The following G2E3 variants were observed in gnomAD, a reference collection of about 807,000 sequenced individuals.
The protein encoded by G2E3 is G2/M phase-specific E3 ubiquitin-protein ligase.
Under a neutral mutation model 92.8 loss-of-function variants are expected in G2E3, and 35 were observed. That is an observed-to-expected ratio of 0.38 (90% confidence interval 0.29 to 0.50). The LOEUF is 0.50. Among genes scored for constraint, G2E3 ranks in the 20% least tolerant of loss-of-function variants. The pLI, the probability that G2E3 is intolerant of heterozygous loss-of-function variation, is 0.94. For synonymous variants in G2E3, 242 were observed against 272.4 expected, an observed-to-expected ratio of 0.89 and a Z score of 1.10; for missense variants, 554 against 823.8, an observed-to-expected ratio of 0.67 and a Z score of 4.01.
chr14:30,612,672 A>T (rs2138916052), intron 13 of G2E3, among the ~76,000 whole-genome samples: 1 of 152,224 alleles, frequency 6.6e-6, no homozygotes, highest in African/African-American at 2.4e-5. Context: ...AGCCTGACCA[A>T]CATGGTGAAA....
chr14:30,566,511 G>A (rs943666180), intron 1 of G2E3, among the ~76,000 whole-genome samples: 1 of 152,090 alleles, frequency 6.6e-6, no homozygotes, highest in Non-Finnish European at 1.5e-5. Flanking sequence ...AAATGGAATT[G>A]TTTACTTAAT....
chr14:30,579,130 T>G lies in G2E3; in HGVS notation c.-4-1946T>G, dbSNP rs552645059. Among the ~76,000 whole-genome samples the G allele has an allele frequency of 3.9e-5, 6 of 152,188 alleles. No homozygotes were observed. In the South Asian group the frequency reaches 1.2e-3, roughly 32 times the overall value. ...CATCAAAAGCGCCATCGTATACCTG[T>G]AGAGAATTACTAGTGCCTCTAAAAG... On this transcript the variant is annotated intron_variant, in intron 1 of 14. Transcript: ENST00000206595.
At chr14:30,565,422 T>C (rs1244992770) in intron 1 of G2E3, among the ~76,000 whole-genome samples, 4 of 152,292 alleles carry the variant, frequency 2.6e-5, no homozygotes, top group African/African-American at 9.6e-5. Flanking sequence ...CTGTAGATTG[T>C]CATTAGATGC....
In G2E3 at chr14:30,601,763, T is replaced by A; in HGVS notation, c.753-7T>A. 6.2e-7 allele frequency: 1 copy of A among 1,613,936 alleles called. No individual in the cohort carries two copies. Among genetic ancestry groups the A allele is most frequent in the Non-Finnish European group, 8.5e-7 (1 of 1,179,854 alleles). On this transcript the variant is annotated splice_polypyrimidine_tract_variant and splice_region_variant and intron_variant, in intron 8 of 14. Coordinates refer to ENST00000206595, the MANE Select transcript of G2E3 (RefSeq NM_017769.5). ...AATGTAAGTTCTGCTTTTCTTTGTG[T>A]CCTCAGCAAATGGGAAATAAAGCGC... is the stretch of plus-strand genomic sequence containing the variant.
intron 2 of G2E3, among the ~76,000 whole-genome samples, chr14:30,586,451 C>T (rs1264850702): frequency 2.0e-5 from 3 of 152,110 alleles, no homozygotes; most frequent in Non-Finnish European, 4.4e-5. Flanking sequence ...TTTTGTAGTT[C>T]CCCAGTGTGT....
At position 30,589,367 on chromosome 14, in the gene G2E3, GAGAAT is replaced by G; in HGVS notation, c.136-14_136-10del. The G allele has an allele frequency of 7.9e-6, 11 of 1,387,110 alleles. No homozygotes were observed. The highest frequency in any genetic ancestry group is 1.1e-5 in the Non-Finnish European group (11 of 977,788). The allele number at this position is 1,387,110 out of a possible 1,614,324, so 85.9% of individuals were successfully genotyped here. A position where few individuals can be genotyped will look rare whatever the true frequency, so the allele number is the denominator to read the frequency against. On this transcript the variant is annotated splice_polypyrimidine_tract_variant and intron_variant, in intron 3 of 14. Coordinates refer to ENST00000206595, the MANE Select transcript of G2E3 (RefSeq NM_017769.5). ...GTTTCTTAGAGTTTATTTTCTAATT[GAGAAT>G]ATATTCATAGTTGATGTCAAGTGGA...
At chr14:30,599,552 C>G (rs10152019) in intron 8 of G2E3, among the ~76,000 whole-genome samples, 5,596 of 152,150 alleles carry the variant, frequency 0.037, 328 homozygotes, top group African/African-American at 0.12. Context: ...AAGGCCTTAT[C>G]TCCATATATA....
chr14:30,612,874 A>G (rs906514027), intron 13 of G2E3, among the ~76,000 whole-genome samples: 1 of 152,192 alleles, frequency 6.6e-6, no homozygotes, highest in Admixed American at 6.5e-5. Context: ...TGAAAAAAGA[A>G]TTGTGTAAAT....
chr14:30,587,896 C>T (rs1322354223), intron 3 of G2E3, among the ~76,000 whole-genome samples: 1 of 152,148 alleles, frequency 6.6e-6, no homozygotes, highest in Non-Finnish European at 1.5e-5. Flanking sequence ...AGTCTAGTAG[C>T]CCACACTCAA....
intron 3 of G2E3, among the ~76,000 whole-genome samples, chr14:30,587,274 A>G (rs7141624): frequency 0.27 from 41,471 of 151,934 alleles, 6,172 homozygotes; most frequent in East Asian, 0.63. Flanking sequence ...GAAACCAGTT[A>G]CTTTATGTAT....
intron 3 of G2E3, among the ~76,000 whole-genome samples, chr14:30,588,916 A>G (rs138811973): frequency 8.7e-4 from 132 of 152,310 alleles, no homozygotes; most frequent in African/African-American, 2.3e-3. Flanking sequence ...CTAGGGTTCA[A>G]TAGGTTTTCT....
At chr14:30,592,532 A>G in intron 5 of G2E3, 85 bp downstream of exon 5, 1 of 1,066,482 alleles carries the variant, frequency 9.4e-7, no homozygotes, top group Non-Finnish European at 1.4e-6. Flanking sequence ...TACTACAATA[A>G]ATTTTCTGTT....
At chr14:30,566,996 T>A (rs1167892491) in intron 1 of G2E3, among the ~76,000 whole-genome samples, 2 of 152,206 alleles carry the variant, frequency 1.3e-5, no homozygotes. Context: ...TTGATTTCCA[T>A]ATGCTGAACC....
Position 30,592,361 on chromosome 14 carries a change from A to T in G2E3, c.276A>T (p.Gly92=). ...CVCKKNGASI[G]CVAPRCKRSY... ...GCAAGAAAAATGGTGCTTCAATTGG[A>T]TGTGTTGCACCCCGATGTAAACGAA... Residue 92 remains glycine (G), a synonymous_variant, in exon 5 of 15, where the codon GGA becomes GGT. Coordinates refer to ENST00000206595, the MANE Select transcript of G2E3 (RefSeq NM_017769.5). 1 of 1,611,884 alleles carries T rather than the reference A, an allele frequency of 6.2e-7. No homozygotes were observed. The highest frequency in any genetic ancestry group is 8.5e-7 in the Non-Finnish European group (1 of 1,178,488).
intron 8 of G2E3, among the ~76,000 whole-genome samples, chr14:30,600,793 C>T (rs1881531779): frequency 6.6e-6 from 1 of 152,208 alleles, no homozygotes; most frequent in South Asian, 2.1e-4. Context: ...ATGGAATCCT[C>T]ACTCTGAGAC....
At chr14:30,562,193 G>T (rs1156706677) in intron 1 of G2E3, among the ~76,000 whole-genome samples, 1 of 152,034 alleles carries the variant, frequency 6.6e-6, no homozygotes, top group East Asian at 1.9e-4. Flanking sequence ...CCACCCAGGT[G>T]CCGAGGCAAG....
In G2E3 at chr14:30,586,705, T is replaced by C; in HGVS notation, c.38-13T>C. 1.0e-6 allele frequency: 1 copy of C among 992,008 alleles called. No homozygotes were observed. Among genetic ancestry groups the C allele is most frequent in the South Asian group, 1.7e-5 (1 of 57,954 alleles). 61.5% of individuals were successfully genotyped at this position (992,008 alleles called of 1,614,324 possible). On this transcript the variant is annotated splice_polypyrimidine_tract_variant and intron_variant, in intron 2 of 14. Coordinates refer to ENST00000206595, the MANE Select transcript of G2E3 (RefSeq NM_017769.5). ...AAATATATTTTTATATCTATTTACTTTTTCACTGTTAGCTTGTGTTTTCTG... is the reference window on the plus strand; with the variant it reads ...AAATATATTTTTATATCTATTTACTCTTTCACTGTTAGCTTGTGTTTTCTG...
chr14:30,593,151 C>T (rs1881102435), intron 5 of G2E3, among the ~76,000 whole-genome samples: 1 of 152,126 alleles, frequency 6.6e-6, no homozygotes, highest in Non-Finnish European at 1.5e-5. Context: ...ATTTTGAGCA[C>T]AACGTATGCA....
intron 1 of G2E3, among the ~76,000 whole-genome samples, chr14:30,575,975 G>A (rs229194): frequency 0.49 from 74,266 of 152,050 alleles, 21,128 homozygotes; most frequent in African/African-American, 0.79. Flanking sequence ...TGCTATTCCT[G>A]TCAAACTACC....
Sources: gnomAD v4.1 joint callset for allele counts (sites outside exome capture counted in the v4.1 genomes callset) on GRCh38, gnomAD v4.1.1 for gene constraint, MANE v1.5 for transcripts, NCBI Gene and HGNC (gene_info 2026-07-23, HGNC 2026-07-21) for gene names.